Variants in SAMMSON observed in about 807,000 individuals in gnomAD.
SAMMSON encodes the protein long intergenic non-protein coding RNA 1212.
At chr3:70,050,274 A>G (rs2067141350) in intron 3 of SAMMSON, among the ~76,000 whole-genome samples, 1 of 152,208 alleles carries the variant, frequency 6.6e-6, no homozygotes, top group South Asian at 2.1e-4. Context: ...GTACAAACAC[A>G]GTCTGCTGCA....
intron 6 of SAMMSON, among the ~76,000 whole-genome samples, chr3:70,256,372 C>G (rs1206173528): frequency 1.3e-5 from 2 of 152,164 alleles, no homozygotes; most frequent in Non-Finnish European, 2.9e-5. Flanking sequence ...ATTATATAAA[C>G]TAATCTCTAA....
intron 3 of SAMMSON, among the ~76,000 whole-genome samples, chr3:70,028,186 C>CCTTCCTTTCTTT (rs1491431567): frequency 2.3e-4 from 24 of 103,950 alleles, no homozygotes; most frequent in Middle Eastern, 5.4e-3. Flanking sequence ...TTCCTTCCTT[C>CCTTCCTTTCTTT]CTTTCTTTCT....
intron 3 of SAMMSON, among the ~76,000 whole-genome samples, chr3:70,046,862 C>T (rs997715633): frequency 6.6e-6 from 1 of 152,042 alleles, no homozygotes; most frequent in Non-Finnish European, 1.5e-5. Context: ...AAAGTCAGCC[C>T]TGTTCATCCC....
chr3:70,000,321 AC>A (rs954828879), intron 1 of SAMMSON, among the ~76,000 whole-genome samples: 4 of 152,162 alleles, frequency 2.6e-5, no homozygotes, highest in African/African-American at 4.8e-5. Flanking sequence ...CTCCCATCAC[AC>A]GCCCTGAGAG....
At chr3:70,283,734 G>T (rs566987246) in intron 6 of SAMMSON, 1 of 148,714 alleles carries the variant, frequency 6.7e-6, no homozygotes, top group Non-Finnish European at 1.5e-5. Flanking sequence ...ATTTCATACA[G>T]AGTAACAGAG....
intron 6 of SAMMSON, among the ~76,000 whole-genome samples, chr3:70,286,049 G>C (rs1388682670): frequency 6.6e-6 from 1 of 152,022 alleles, no homozygotes; most frequent in African/African-American, 2.4e-5. Context: ...CTGTGCAGAA[G>C]CTCTTTAGTT....
intron 4 of SAMMSON, chr3:70,126,401 G>T (rs2106670976): frequency 1.2e-6 from 1 of 830,802 alleles, no homozygotes; most frequent in Non-Finnish European, 2.0e-6. Flanking sequence ...TTTAGGGAAT[G>T]TGGCAAAAGC....
chr3:70,058,371 C>T (rs1285303580), intron 3 of SAMMSON, among the ~76,000 whole-genome samples: 1 of 151,938 alleles, frequency 6.6e-6, no homozygotes, highest in African/African-American at 2.4e-5. Context: ...GGTAAAAGTT[C>T]CAGCTGATTC....
At position 70,187,927 on chromosome 3, in the gene SAMMSON, T is replaced by C. The variant is rs142714262; in HGVS notation, n.508-61180T>C. Among the ~76,000 whole-genome samples, 839 of 152,180 alleles carry C rather than the reference T, an allele frequency of 5.5e-3. 12 individuals are homozygous for C. The highest frequency in any genetic ancestry group is 0.019 in the African/African-American group (792 of 41,544). On this transcript the variant is annotated intron_variant and non_coding_transcript_variant, in intron 4 of 9. Transcript: ENST00000642114. Reference sequence around the variant, plus strand: ...CCATGCGGTTCACTTTGTCTCCCTATAAAAAGAGGCCATGTAGCAAGCTCT... The same window carrying C: ...CCATGCGGTTCACTTTGTCTCCCTACAAAAAGAGGCCATGTAGCAAGCTCT...
intron 7 of SAMMSON, among the ~76,000 whole-genome samples, chr3:70,339,523 C>G (rs1702693624): frequency 6.6e-6 from 1 of 152,130 alleles, no homozygotes; most frequent in Non-Finnish European, 1.5e-5. Flanking sequence ...GGGCTAATAT[C>G]CAGAATCTAC....
chr3:70,192,610 C>T (rs565658051), intron 4 of SAMMSON, among the ~76,000 whole-genome samples: 2 of 152,324 alleles, frequency 1.3e-5, no homozygotes, highest in Admixed American at 6.5e-5. Flanking sequence ...GAAGGTTCAT[C>T]ACTTCTGTTG....
chr3:70,139,017 T>G (rs1469403235), intron 4 of SAMMSON, among the ~76,000 whole-genome samples: 1 of 152,158 alleles, frequency 6.6e-6, no homozygotes, highest in East Asian at 1.9e-4. Context: ...TTGTGTAAAT[T>G]AATACATTTT....
At chr3:70,375,594 G>A (rs1703007969) in intron 9 of SAMMSON, among the ~76,000 whole-genome samples, 1 of 151,890 alleles carries the variant, frequency 6.6e-6, no homozygotes, top group Non-Finnish European at 1.5e-5. Context: ...GCTACCACAG[G>A]GACAGATATG....
chr3:70,234,508 G>T (rs1701589718), intron 4 of SAMMSON, among the ~76,000 whole-genome samples: 1 of 151,980 alleles, frequency 6.6e-6, no homozygotes, highest in Non-Finnish European at 1.5e-5. Context: ...AATCAGCCAG[G>T]CATGGTGGCA....
chr3:70,302,919 C>T (rs1271135852), intron 7 of SAMMSON, among the ~76,000 whole-genome samples: 1 of 152,064 alleles, frequency 6.6e-6, no homozygotes, highest in Non-Finnish European at 1.5e-5. Flanking sequence ...AAATTTTAAC[C>T]ATCAGCAGTA....
At position 70,414,278 on chromosome 3, in the gene SAMMSON, G is replaced by T. The variant is rs550852948; in HGVS notation, n.234-48282G>T. On this transcript the variant is annotated intron_variant and non_coding_transcript_variant, in intron 2 of 3. Transcript: ENST00000641053. ...ACATGGTATTGAGAAACAACCTCTGGCCCATTTCTTACTATATTCATAAAG... is the reference window on the plus strand; with the variant it reads ...ACATGGTATTGAGAAACAACCTCTGTCCCATTTCTTACTATATTCATAAAG... 1.6e-4 allele frequency among the ~76,000 whole-genome samples: 25 copies of T among 152,002 alleles called. No individual in the cohort carries two copies. The South Asian group carries it at 4.4e-3, about 27-fold the overall frequency.
At chr3:70,244,943 C>T (rs1701692778) in intron 4 of SAMMSON, among the ~76,000 whole-genome samples, 1 of 151,968 alleles carries the variant, frequency 6.6e-6, no homozygotes, top group South Asian at 2.1e-4. Context: ...GAATATTCCC[C>T]CAAATTATAT....
intron 3 of SAMMSON, among the ~76,000 whole-genome samples, chr3:70,053,728 TG>T (rs1374458383): frequency 3.3e-5 from 5 of 152,246 alleles, no homozygotes; most frequent in Non-Finnish European, 7.4e-5. Flanking sequence ...ACTACATATC[TG>T]GGGGTCTTTC....
At chr3:70,224,480 G>C (rs777822477) in intron 4 of SAMMSON, among the ~76,000 whole-genome samples, 55 of 152,258 alleles carry the variant, frequency 3.6e-4, no homozygotes, top group Admixed American at 1.8e-3. Context: ...TCATTCTCTT[G>C]TTGGCAGCAC....
Sources: allele counts gnomAD v4.1 joint callset (sites outside exome capture counted in the v4.1 genomes callset), GRCh38; gene constraint gnomAD v4.1.1; transcripts MANE v1.5; gene names NCBI Gene and HGNC (gene_info 2026-07-23, HGNC 2026-07-21).